The following MYH11 variants were observed in gnomAD, a reference collection of about 807,000 sequenced individuals.
MYH11 encodes the protein myosin heavy chain 11.
In MYH11, 80 loss-of-function variants were observed where a neutral mutation model predicts 246.6. The ratio of observed to expected loss-of-function variants is 0.32; its 90% CI spans 0.27 to 0.39. MYH11 has a LOEUF of 0.39. MYH11 is among the 10% of genes least tolerant of loss of function. The probability of loss-of-function intolerance (pLI) is 1.00; values close to 1 mark genes in which losing one functional copy is unlikely to be tolerated. For missense variants in MYH11, 2,158 were observed against 2,546.8 expected, an observed-to-expected ratio of 0.85 and a Z score of 3.29; for synonymous variants, 1,071 against 1,015.5, an observed-to-expected ratio of 1.05 and a Z score of -1.04.
At chr16:15,739,955 T>C (rs1386638148) in intron 23 of MYH11, 96 bp downstream of exon 23, 2 of 1,305,028 alleles carry the variant, frequency 1.5e-6, no homozygotes, top group Non-Finnish European at 2.2e-6. Context: ...TTGGCCAGGC[T>C]AGTCTCAAAC....
chr16:15,760,458 T>C, intron 11 of MYH11, 82 bp downstream of exon 11: 2 of 1,074,562 alleles, frequency 1.9e-6, no homozygotes, highest in Non-Finnish European at 2.9e-6. Context: ...AATGAATACA[T>C]GAATGAGTGA....
intron 3 of MYH11, among the ~76,000 whole-genome samples, chr16:15,810,127 A>G (rs555300335): frequency 4.0e-4 from 60 of 151,704 alleles, no homozygotes; most frequent in African/African-American, 1.2e-3. Flanking sequence ...TCTACCTCCC[A>G]GGTTCAAGCG....
At chr16:15,704,419 A>G (rs1240740425) in intron 40 of MYH11, among the ~76,000 whole-genome samples, 1 of 152,144 alleles carries the variant, frequency 6.6e-6, no homozygotes, top group East Asian at 1.9e-4. Flanking sequence ...AGGCTTGGTC[A>G]TTTGAGAAGC....
chr16:15,786,876 A>G (rs112560110), intron 4 of MYH11, 144 bp from the exon 5 acceptor site: 503 of 802,050 alleles, frequency 6.3e-4, no homozygotes, highest in African/African-American at 4.4e-3. Flanking sequence ...TAACTTGCCC[A>G]AGGCCACATC....
chr16:15,821,621 G>C (rs2043412312), intron 3 of MYH11, among the ~76,000 whole-genome samples: 1 of 151,824 alleles, frequency 6.6e-6, no homozygotes, highest in African/African-American at 2.4e-5. Context: ...CTCAGCTCCA[G>C]AAAAGAACCA....
At chr16:15,735,299 C>T (rs2041083318) in intron 26 of MYH11, 67 bp downstream of exon 26, 6 of 1,572,846 alleles carry the variant, frequency 3.8e-6, no homozygotes, top group East Asian at 2.2e-5. Flanking sequence ...TGGGTTTGTC[C>T]CCTCTTCTGC....
chr16:15,771,208 C>T (rs1254488608), intron 9 of MYH11, among the ~76,000 whole-genome samples: 2 of 151,844 alleles, frequency 1.3e-5, no homozygotes, highest in Admixed American at 6.6e-5. Flanking sequence ...CCAAATTGAC[C>T]AGGTTGGTCT....
chr16:15,736,429 C>A (rs867650913), intron 25 of MYH11, among the ~76,000 whole-genome samples: 1 of 152,134 alleles, frequency 6.6e-6, no homozygotes, highest in Non-Finnish European at 1.5e-5. Flanking sequence ...CAGGCACACA[C>A]CACCATGCCT....
chr16:15,715,991 G>A (rs2040110433), intron 38 of MYH11, among the ~76,000 whole-genome samples: 1 of 152,130 alleles, frequency 6.6e-6, no homozygotes, highest in African/African-American at 2.4e-5. Context: ...GCTGGGTACA[G>A]TGGTGTGCAC....
At chr16:15,838,332 A>T in intron 1 of MYH11, 63 bp from the exon 2 acceptor site, 1 of 1,331,742 alleles carries the variant, frequency 7.5e-7, no homozygotes, top group Non-Finnish European at 1.1e-6. Context: ...CAGACCAACC[A>T]CTCACCTTGC....
At position 15,737,514 on chromosome 16, in the gene MYH11, C is replaced by T. The variant is rs773672888; in HGVS notation, c.3228G>A (p.Ala1076=). 185 of 1,613,852 alleles carry T rather than the reference C, an allele frequency of 1.1e-4. No homozygotes were observed. Among genetic ancestry groups the T allele is most frequent in the Non-Finnish European group, 1.5e-4 (177 of 1,180,038 alleles). ...GCTGCATCTTGAGCTCTGCGATCTG[C>T]GCCTGGAGGTCAGCGATCTGCTCGT... is the stretch of plus-strand genomic sequence containing the variant. The part of the protein sequence containing the change: ...DFHEQIADLQ[A]QIAELKMQLA... Residue 1076 remains alanine (A), a synonymous_variant, in exon 25 of 41, where the codon GCG becomes GCA. Transcript: ENST00000300036.
intron 4 of MYH11, among the ~76,000 whole-genome samples, chr16:15,798,005 T>C (rs1339298056): frequency 1.3e-5 from 2 of 152,198 alleles, no homozygotes; most frequent in African/African-American, 4.8e-5. Context: ...AATAAAGTTG[T>C]GATACCCATT....
At chr16:15,751,266 T>C (rs1038275047) in intron 15 of MYH11, among the ~76,000 whole-genome samples, 1 of 151,980 alleles carries the variant, frequency 6.6e-6, no homozygotes, top group Admixed American at 6.6e-5. Flanking sequence ...GTTCCAGCAA[T>C]TCTCCCGCCT....
intron 7 of MYH11, among the ~76,000 whole-genome samples, chr16:15,777,350 A>C (rs2042247121): frequency 6.6e-6 from 1 of 152,072 alleles, no homozygotes; most frequent in African/African-American, 2.4e-5. Context: ...CGAACTCCTG[A>C]CCTCAAGTGG....
intron 2 of MYH11, among the ~76,000 whole-genome samples, chr16:15,836,011 A>T (rs1448623401): frequency 6.6e-6 from 1 of 152,032 alleles, no homozygotes; most frequent in Non-Finnish European, 1.5e-5. Context: ...CAGTTTCTCA[A>T]AGTGCTGGGA....
intron 7 of MYH11, among the ~76,000 whole-genome samples, chr16:15,777,257 G>T (rs2042243895): frequency 6.6e-6 from 1 of 152,100 alleles, no homozygotes; most frequent in Non-Finnish European, 1.5e-5. Context: ...GAGTAGCTGG[G>T]ACTACAGGTG....
At chr16:15,782,241 AGGAGCCCTTGCAAGAT>A in intron 6 of MYH11, 128 bp downstream of exon 6, 1 of 720,044 alleles carries the variant, frequency 1.4e-6, no homozygotes, top group South Asian at 1.5e-5. Context: ...AGTGAGAGGC[AGGAGCCCTTGCAAGAT>A]TGTGAGATAC....
intron 3 of MYH11, among the ~76,000 whole-genome samples, chr16:15,801,944 G>A (rs910356559): frequency 1.3e-5 from 2 of 151,950 alleles, no homozygotes; most frequent in Non-Finnish European, 2.9e-5. Context: ...GCAACAGAGC[G>A]AGACTCCAAA....
intron 7 of MYH11, 42 bp from the exon 8 acceptor site, chr16:15,776,218 G>A: frequency 7.4e-7 from 1 of 1,342,864 alleles, no homozygotes; most frequent in Non-Finnish European, 1.1e-6. Flanking sequence ...TACTGCGGGT[G>A]TTCCTCTGGT....
Sources: allele counts gnomAD v4.1 joint callset (sites outside exome capture counted in the v4.1 genomes callset), GRCh38; gene constraint gnomAD v4.1.1; transcripts MANE v1.5; gene names NCBI Gene and HGNC (gene_info 2026-07-23, HGNC 2026-07-21).